Variants in AKAIN1 observed in about 807,000 individuals in gnomAD.
AKAIN1 encodes the protein A-kinase anchor protein inhibitor 1.
A neutral mutation model predicts 3.7 loss-of-function variants in AKAIN1; 3 were observed. The observed-to-expected ratio is 0.82, with a 90% confidence interval of 0.37 to 2.12. The LOEUF is 2.12. AKAIN1 is among the 30% of genes most tolerant of loss of function. The pLI, the probability that AKAIN1 is intolerant of heterozygous loss-of-function variation, is 0.06. For synonymous variants in AKAIN1, 31 were observed against 30.8 expected (o/e 1.01, Z -0.02); for missense variants, 82 against 82.7 (o/e 0.99, Z 0.03).
At chr18:5,189,391 CTCTT>C (rs2071306240) in intron 1 of AKAIN1, among the ~76,000 whole-genome samples, 1 of 152,154 alleles carries the variant, frequency 6.6e-6, no homozygotes, top group Non-Finnish European at 1.5e-5. Context: ...CACTTTTTCA[CTCTT>C]TATATAGCCA....
At position 5,150,616 on chromosome 18, in the gene AKAIN1, G is replaced by A. The variant is rs929900758; in HGVS notation, c.17-4861C>T. ...TCTCCTCATCCCCAGGCATCCACAT[G>A]GTCCTGCTTCTCTATGATCACCCAG... On this transcript the variant is annotated intron_variant, in intron 1 of 1. Transcript: ENST00000434239. 2.0e-4 allele frequency among the ~76,000 whole-genome samples: 30 copies of A among 152,192 alleles called. No individual in the cohort carries two copies. The Middle Eastern group carries it at 0.017, about 86-fold the overall frequency.
At chr18:5,191,192 G>A (rs151335811) in intron 1 of AKAIN1, among the ~76,000 whole-genome samples, 193 of 152,178 alleles carry the variant, frequency 1.3e-3, no homozygotes, top group African/African-American at 4.4e-3. Context: ...ACAAAAAGGC[G>A]TAAAATTAGA....
chr18:5,197,212 C>T lies in AKAIN1; in HGVS notation c.-159G>A. Reference sequence around the variant, plus strand: ...CCCGGACAGCTCCCGCCGCTAGATCCTGGGGCCGCAGCTCCAGCCGCCGCC... The same window carrying T: ...CCCGGACAGCTCCCGCCGCTAGATCTTGGGGCCGCAGCTCCAGCCGCCGCC... On this transcript the variant is annotated 5_prime_UTR_variant, in exon 1 of 2. Transcript: ENST00000434239. This position sits in a 1 kb window ranked among gnomAD's most constrained non-coding sequence, Gnocchi z 6.9. 1 of 1,399,612 alleles carries T rather than the reference C, an allele frequency of 7.1e-7. No individual in the cohort carries two copies. The highest frequency in any genetic ancestry group is 9.2e-7 in the Non-Finnish European group (1 of 1,087,522). 86.7% of individuals were successfully genotyped at this position (1,399,612 alleles called of 1,614,324 possible). A position where few individuals can be genotyped will look rare whatever the true frequency, so the allele number is the denominator to read the frequency against.
chr18:5,196,523 T>C (rs2071348545), intron 1 of AKAIN1, among the ~76,000 whole-genome samples: 1 of 152,216 alleles, frequency 6.6e-6, no homozygotes, highest in Non-Finnish European at 1.5e-5. Flanking sequence ...TCTAATTCCT[T>C]AAGAAGTATC....
chr18:5,188,243 TC>T (rs1223674993), intron 1 of AKAIN1, among the ~76,000 whole-genome samples: 1 of 152,058 alleles, frequency 6.6e-6, no homozygotes, highest in Non-Finnish European at 1.5e-5. Flanking sequence ...CCTGAATCTT[TC>T]CCAGGATGGC....
In AKAIN1 at chr18:5,166,406, G is replaced by T. The variant is rs142220986; in HGVS notation, c.17-20651C>A. Reference sequence around the variant, plus strand: ...CTTAGGAGGCATAGAAAATGTCTTTGCTATGCTCTGTTTCCCTTTTTATCC... The same window carrying T: ...CTTAGGAGGCATAGAAAATGTCTTTTCTATGCTCTGTTTCCCTTTTTATCC... On this transcript the variant is annotated intron_variant, in intron 1 of 1. Transcript: ENST00000434239. Among the ~76,000 whole-genome samples the T allele has an allele frequency of 2.3e-3, 355 of 152,014 alleles. 1 individual carries two copies. The highest frequency in any genetic ancestry group is 8.0e-3 in the African/African-American group (330 of 41,470).
intron 1 of AKAIN1, among the ~76,000 whole-genome samples, chr18:5,192,187 T>A (rs868221406): frequency 1.3e-5 from 2 of 152,124 alleles, no homozygotes; most frequent in Non-Finnish European, 2.9e-5. Context: ...ATAGATTAAT[T>A]CAACAGACTA....
intron 1 of AKAIN1, among the ~76,000 whole-genome samples, chr18:5,186,396 A>G (rs993402820): frequency 2.0e-5 from 3 of 152,134 alleles, no homozygotes; most frequent in African/African-American, 7.2e-5. Flanking sequence ...AAAGCACTGG[A>G]TTTATTATCA....
chr18:5,173,121 C>T (rs1296178982), intron 1 of AKAIN1, among the ~76,000 whole-genome samples: 1 of 152,102 alleles, frequency 6.6e-6, no homozygotes, highest in Admixed American at 6.6e-5. Context: ...CATGAAAATG[C>T]TCAGATTCCT....
rs997954353 is a variant in AKAIN1, at chr18:5,180,437, C to T, written c.16+16601G>A. On this transcript the variant is annotated intron_variant, in intron 1 of 1. Transcript: ENST00000434239. ...CCTGTCTAAGGCAGGTACATGGAGG[C>T]GTGGTCATACCAGTTCTTTCTACTG... is the stretch of plus-strand genomic sequence containing the variant. Among the ~76,000 whole-genome samples the T allele has an allele frequency of 2.0e-5, 3 of 152,122 alleles. No individual in the cohort carries two copies. The South Asian group carries it at 6.2e-4, about 32-fold the overall frequency.
upstream of AKAIN1, chr18:5,197,289 G>A: frequency 7.3e-7 from 1 of 1,370,370 alleles, no homozygotes; most frequent in Non-Finnish European, 9.3e-7. The surrounding 1 kb of genome is among the most constrained non-coding windows in gnomAD (Gnocchi z 6.9). Context: ...GGAGGAGGGT[G>A]AATCCCCGCT....
chr18:5,176,080 G>A (rs566020409), intron 1 of AKAIN1, among the ~76,000 whole-genome samples: 1 of 152,154 alleles, frequency 6.6e-6, no homozygotes, highest in East Asian at 1.9e-4. Flanking sequence ...AAGGGAGAGA[G>A]GAACAAAATC....
At chr18:5,147,190 T>G (rs1361851596) in intron 1 of AKAIN1, among the ~76,000 whole-genome samples, 1 of 152,216 alleles carries the variant, frequency 6.6e-6, no homozygotes, top group Non-Finnish European at 1.5e-5. Context: ...ACAAACTGTT[T>G]TCAGGGATTT....
chr18:5,187,585 C>T (rs2143028227), intron 1 of AKAIN1, among the ~76,000 whole-genome samples: 1 of 152,244 alleles, frequency 6.6e-6, no homozygotes, highest in African/African-American at 2.4e-5. Flanking sequence ...ATAACTAACC[C>T]ACTCCTACAA....
intron 1 of AKAIN1, chr18:5,170,644 T>G (rs2071192102): frequency 6.6e-6 from 1 of 152,164 alleles, no homozygotes; most frequent in African/African-American, 2.4e-5. Flanking sequence ...ACCAAAGCAA[T>G]ATGCCTGTTT....
intron 1 of AKAIN1, among the ~76,000 whole-genome samples, chr18:5,150,028 T>C (rs959591075): frequency 1.3e-5 from 2 of 152,178 alleles, no homozygotes; most frequent in African/African-American, 4.8e-5. Context: ...AGGTTTATTC[T>C]GGCCCAATTT....
upstream of AKAIN1, chr18:5,197,344 T>C: frequency 7.8e-7 from 1 of 1,285,894 alleles, no homozygotes; most frequent in Non-Finnish European, 9.9e-7. The surrounding 1 kb of genome is among the most constrained non-coding windows in gnomAD (Gnocchi z 6.9). Flanking sequence ...CGTACACTGC[T>C]GCTTAGGGAG....
intron 1 of AKAIN1, among the ~76,000 whole-genome samples, chr18:5,152,205 T>C (rs2071084137): frequency 6.6e-6 from 1 of 152,234 alleles, no homozygotes; most frequent in African/African-American, 2.4e-5. Flanking sequence ...CAACACTAGA[T>C]ACTGCCAGTG....
chr18:5,181,560 C>T (rs1200589271), intron 1 of AKAIN1, among the ~76,000 whole-genome samples: 2 of 152,016 alleles, frequency 1.3e-5, no homozygotes, highest in African/African-American at 2.4e-5. Flanking sequence ...TCTCATCTGC[C>T]CAGTAAAGGT....
Sources: gnomAD v4.1 joint callset for allele counts (sites outside exome capture counted in the v4.1 genomes callset) on GRCh38, gnomAD v4.1.1 for gene constraint, Gnocchi (gnomAD v3.1) non-coding constraint, MANE v1.5 for transcripts, NCBI Gene and HGNC (gene_info 2026-07-23, HGNC 2026-07-21) for gene names.